MSI2: variants seen among roughly 807,000 people sequenced by gnomAD.
MSI2 encodes musashi RNA binding protein 2, also known as RNA-binding protein Musashi homolog 2.
Under a neutral mutation model 45.6 loss-of-function variants are expected in MSI2, and 17 were observed. The ratio of observed to expected loss-of-function variants is 0.37; its 90% confidence interval spans 0.26 to 0.56. The LOEUF is 0.56. Among genes scored for constraint, MSI2 ranks in the 20% least tolerant of loss-of-function variants. The probability of loss-of-function intolerance (pLI) is 0.77; values close to 1 mark genes in which losing one functional copy is unlikely to be tolerated. For synonymous variants in MSI2, 156 were observed against 158.2 expected, an observed-to-expected ratio of 0.99 and a Z score of 0.11; for missense variants, 293 against 444.2, an observed-to-expected ratio of 0.66 and a Z score of 3.06.
At chr17:57,574,861 C>T (rs1463960134) in intron 7 of MSI2, among the ~76,000 whole-genome samples, 2 of 140,424 alleles carry the variant, frequency 1.4e-5, no homozygotes, top group South Asian at 2.2e-4. Flanking sequence ...GACGGAGTCT[C>T]GCTCTGTCGC....
chr17:57,630,385 C>A (rs1051348382), intron 10 of MSI2: 1 of 152,282 alleles, frequency 6.6e-6, no homozygotes, highest in Admixed American at 6.5e-5. Context: ...TCTCAACCAT[C>A]AAACTTTTAT....
chr17:57,458,088 CAT>C (rs1009968760), intron 6 of MSI2, among the ~76,000 whole-genome samples: 2 of 148,516 alleles, frequency 1.3e-5, no homozygotes, highest in Admixed American at 6.7e-5. Context: ...ATTAGCCTGA[CAT>C]ATATATACCT....
At chr17:57,425,660 A>G (rs2084477433) in intron 6 of MSI2, among the ~76,000 whole-genome samples, 1 of 152,250 alleles carries the variant, frequency 6.6e-6, no homozygotes. Context: ...GGTTGTTTGC[A>G]GTATCATTAT....
intron 10 of MSI2, among the ~76,000 whole-genome samples, chr17:57,648,852 A>G (rs1460906558): frequency 2.0e-5 from 3 of 151,962 alleles, no homozygotes; most frequent in Non-Finnish European, 4.4e-5. Context: ...GCCCCAGATG[A>G]CCCCGGCCTC....
At chr17:57,495,437 G>A (rs2085956677) in intron 6 of MSI2, among the ~76,000 whole-genome samples, 1 of 145,060 alleles carries the variant, frequency 6.9e-6, no homozygotes, top group African/African-American at 2.6e-5. Flanking sequence ...GGAGGCTGAG[G>A]CAGGAGAATC....
At chr17:57,445,549 G>A (rs1172547811) in intron 6 of MSI2, among the ~76,000 whole-genome samples, 4 of 21,462 alleles carry the variant, frequency 1.9e-4, no homozygotes, top group Non-Finnish European at 8.8e-4. Flanking sequence ...GTGACAGGGC[G>A]GTGGGGGGGG....
At chr17:57,555,490 C>G (rs1184863347) in intron 7 of MSI2, among the ~76,000 whole-genome samples, 4 of 152,166 alleles carry the variant, frequency 2.6e-5, no homozygotes, top group African/African-American at 9.7e-5. Context: ...GGGACCCCAG[C>G]AGCTCCTCAA....
At chr17:57,453,055 G>A (rs2085048359) in intron 6 of MSI2, among the ~76,000 whole-genome samples, 1 of 145,582 alleles carries the variant, frequency 6.9e-6, no homozygotes, top group Non-Finnish European at 1.5e-5. Context: ...ACCCAGATGA[G>A]TACAGTGGTG....
At chr17:57,345,062 CA>C (rs574673384) in intron 5 of MSI2, among the ~76,000 whole-genome samples, 26 of 144,614 alleles carry the variant, frequency 1.8e-4, no homozygotes, top group Non-Finnish European at 2.4e-4. Flanking sequence ...GACTCCGTCT[CA>C]AAAAAAAAAG....
chr17:57,417,558 C>T (rs2084318173), intron 6 of MSI2, among the ~76,000 whole-genome samples: 1 of 152,138 alleles, frequency 6.6e-6, no homozygotes, highest in African/African-American at 2.4e-5. Context: ...CCCTCAACCC[C>T]CAAGAAGCCA....
intron 5 of MSI2, among the ~76,000 whole-genome samples, chr17:57,393,441 C>G (rs117829859): frequency 6.6e-6 from 1 of 152,178 alleles, no homozygotes; most frequent in Admixed American, 6.5e-5. Context: ...ATCCATGTTG[C>G]AGCATGTGTC....
At chr17:57,566,059 G>A (rs980738132) in intron 7 of MSI2, 1 of 152,216 alleles carries the variant, frequency 6.6e-6, no homozygotes, top group Non-Finnish European at 1.5e-5. Flanking sequence ...GCTGTGTGAA[G>A]ATGTCACATC....
chr17:57,478,843 GACTTA>G (rs2143735231), intron 6 of MSI2, among the ~76,000 whole-genome samples: 2 of 152,334 alleles, frequency 1.3e-5, no homozygotes, highest in African/African-American at 4.8e-5. Flanking sequence ...AAACAAGCAA[GACTTA>G]ACTGTTTAAC....
chr17:57,441,181 G>C (rs2084793720), intron 6 of MSI2, among the ~76,000 whole-genome samples: 1 of 152,206 alleles, frequency 6.6e-6, no homozygotes, highest in South Asian at 2.1e-4. Flanking sequence ...ACCCTTGCCT[G>C]GGCCTGGTGA....
At chr17:57,668,256 A>G (rs1440507481) in intron 11 of MSI2, among the ~76,000 whole-genome samples, 4 of 152,080 alleles carry the variant, frequency 2.6e-5, no homozygotes, top group Non-Finnish European at 5.9e-5. Context: ...TTTTCCTTAC[A>G]CCAATCCGAA....
At chr17:57,265,728 T>G (rs1907709880) in intron 5 of MSI2, 1 of 152,228 alleles carries the variant, frequency 6.6e-6, no homozygotes, top group African/African-American at 2.4e-5. Flanking sequence ...TCTTCGTATT[T>G]CTCTGGATGA....
chr17:57,560,922 G>A (rs544175639), intron 7 of MSI2, among the ~76,000 whole-genome samples: 39 of 152,296 alleles, frequency 2.6e-4, no homozygotes, highest in Non-Finnish European at 4.6e-4. Flanking sequence ...TCGCCCCAGT[G>A]GAACTGGGGC....
intron 6 of MSI2, among the ~76,000 whole-genome samples, chr17:57,437,949 C>T (rs1323359153): frequency 3.9e-5 from 6 of 152,222 alleles, no homozygotes; most frequent in Non-Finnish European, 4.4e-5. Context: ...ACGCAGAAAG[C>T]CGTGCACATG....
At chr17:57,575,147 T>TCCCCCCCCCCCCCCCCCCCCC (rs371180511) in intron 7 of MSI2, among the ~76,000 whole-genome samples, 1 of 119,542 alleles carries the variant, frequency 8.4e-6, no homozygotes, top group African/African-American at 3.6e-5. Context: ...CTTTTTTAAC[T>TCCCCCCCCCCCCCCCCCCCCC]CCCTCCCCCC....
Sources: allele counts gnomAD v4.1 joint callset (sites outside exome capture counted in the v4.1 genomes callset), GRCh38; gene constraint gnomAD v4.1.1; transcripts MANE v1.5; gene names NCBI Gene and HGNC (gene_info 2026-07-23, HGNC 2026-07-21).